The following KLF8 variants were observed in gnomAD, a reference collection of about 807,000 sequenced individuals.
KLF8 encodes Krueppel-like factor 8.
A neutral mutation model predicts 18.2 loss-of-function variants in KLF8; 10 were observed. The observed-to-expected ratio is 0.55, with a 90% CI of 0.34 to 0.93. The LOEUF (loss-of-function observed/expected upper bound fraction) is 0.93, where lower values mean the gene tolerates loss of function less well. Ranked by LOEUF, KLF8 falls within the 40% of genes least tolerant of loss-of-function variation. The pLI is 0.02. For synonymous variants in KLF8, 109 were observed against 97.3 expected (o/e 1.12, Z -0.71); for missense variants, 264 against 277.9 (o/e 0.95, Z 0.36).
At chrX:55,927,973 A>C in the KLF8 span, among the ~76,000 whole-genome samples, 1 of 112,151 alleles carries the variant, frequency 8.9e-6, no homozygotes, top group Non-Finnish European at 1.9e-5. Context: ...AATACTGCTA[A>C]CTGAACTACA....
chrX:56,086,257 A>G, the KLF8 span, among the ~76,000 whole-genome samples: 1 of 111,778 alleles, frequency 8.9e-6, no homozygotes, highest in African/African-American at 3.3e-5. Flanking sequence ...CTTAATTCAT[A>G]CTTCAGAATT....
At chrX:56,140,560 A>G in the KLF8 span, among the ~76,000 whole-genome samples, 1 of 110,943 alleles carries the variant, frequency 9.0e-6, no homozygotes, top group South Asian at 3.8e-4. Flanking sequence ...ACATTGGAGT[A>G]CACATGTACA....
the KLF8 span, among the ~76,000 whole-genome samples, chrX:55,952,187 G>A: frequency 8.9e-6 from 1 of 112,278 alleles, no homozygotes; most frequent in Non-Finnish European, 1.9e-5. Context: ...ACAGCAAAGT[G>A]AGGAGGTGAC....
chrX:56,154,435 C>A, the KLF8 span, among the ~76,000 whole-genome samples: 9 of 111,695 alleles, frequency 8.1e-5, no homozygotes, highest in Non-Finnish European at 1.3e-4. Context: ...CTTCCTTACA[C>A]CTTATACAAA....
At chrX:56,187,443 C>T in the KLF8 span, among the ~76,000 whole-genome samples, 19 of 111,544 alleles carry the variant, frequency 1.7e-4, no homozygotes, top group African/African-American at 5.9e-4. Context: ...CTACCAGAGG[C>T]ACAAGGAGGA....
chrX:56,114,833 G>C, the KLF8 span, among the ~76,000 whole-genome samples: 20 of 112,500 alleles, frequency 1.8e-4, no homozygotes, highest in Non-Finnish European at 1.9e-4. Context: ...ATCAAAGGTA[G>C]CATAATATAA....
the KLF8 span, among the ~76,000 whole-genome samples, chrX:56,125,514 C>T: frequency 1.8e-5 from 2 of 112,427 alleles, no homozygotes; most frequent in East Asian, 5.6e-4. Context: ...GCCTTCAAGT[C>T]ACATTTGCAT....
chrX:55,945,908 C>T, the KLF8 span, among the ~76,000 whole-genome samples: 1 of 110,958 alleles, frequency 9.0e-6, no homozygotes, highest in South Asian at 3.8e-4. Context: ...GAATAAAATA[C>T]CTAGGAATCC....
At chrX:56,131,783 G>A in the KLF8 span, among the ~76,000 whole-genome samples, 1 of 111,588 alleles carries the variant, frequency 9.0e-6, no homozygotes, top group African/African-American at 3.3e-5. Flanking sequence ...AGGTAAAAGG[G>A]TGGAAGAAGA....
rs753625632 is a variant in KLF8 at position 56,289,023 on chromosome X, G to A, written c.*4529G>A. Among the ~76,000 whole-genome samples, 1 of 112,161 alleles carries A rather than the reference G, an allele frequency of 8.9e-6. No homozygotes were observed. The highest frequency in any genetic ancestry group is 2.8e-4 in the East Asian group (1 of 3,581). On this transcript the variant is annotated 3_prime_UTR_variant, in exon 6 of 6. Transcript: ENST00000468660. ...GGTAAGTTATATGCCACACCCTTCA[G>A]AGCATGTATCTTACATAAATTATTT...
At chrX:56,143,481 T>C in the KLF8 span, among the ~76,000 whole-genome samples, 2 of 112,480 alleles carry the variant, frequency 1.8e-5, no homozygotes, top group East Asian at 5.6e-4. Flanking sequence ...TATTCACTAA[T>C]ATGTCTGCCA....
chrX:56,269,430 G>A lies in KLF8; in HGVS notation c.699G>A (p.Glu233=). 2 of 1,209,479 alleles carry A rather than the reference G, an allele frequency of 1.7e-6. No individual in the cohort carries two copies. Among genetic ancestry groups the A allele is most frequent in the Non-Finnish European group, 2.2e-6 (2 of 894,569 alleles). Residue 233 remains glutamate (E), a synonymous_variant, in exon 4 of 6, where the codon GAG becomes GAA. Transcript: ENST00000468660. The stretch of plus-strand genomic sequence containing the variant: ...CACTGGAAATTCCAAGTGACAGTGA[G>A]GAGAGTACAATTGAGAGTGGATCCT... ...MSPLEIPSDS[E]ESTIESGSSA...
intron 2 of KLF8, among the ~76,000 whole-genome samples, chrX:56,258,255 G>A (rs1295340995): frequency 4.5e-5 from 5 of 112,121 alleles, no homozygotes; most frequent in South Asian, 7.5e-4. Context: ...GTCATTGAGC[G>A]TGCATAGCTA....
At chrX:56,151,624 G>A in the KLF8 span, among the ~76,000 whole-genome samples, 91 of 110,880 alleles carry the variant, frequency 8.2e-4, 1 homozygote, top group East Asian at 0.023. Flanking sequence ...CACAATGGGG[G>A]AAGAGTGCTT....
chrX:55,921,178 GA>G, the KLF8 span, among the ~76,000 whole-genome samples: 1 of 112,138 alleles, frequency 8.9e-6, no homozygotes, highest in African/African-American at 3.2e-5. Flanking sequence ...AAATTTATAA[GA>G]AAAAATCCCA....
intron 5 of KLF8, among the ~76,000 whole-genome samples, chrX:56,278,761 C>T (rs1185970080): frequency 8.9e-6 from 1 of 111,791 alleles, no homozygotes. Flanking sequence ...GCCTATACTG[C>T]CTTTCAAGTT....
At chrX:56,234,198 AC>A (rs2066443265) in intron 1 of KLF8, among the ~76,000 whole-genome samples, 1 of 112,009 alleles carries the variant, frequency 8.9e-6, no homozygotes, top group Non-Finnish European at 1.9e-5. Context: ...AGCACCTGTC[AC>A]CCAGTGTGGT....
At position 56,284,356 on chromosome X, in the gene KLF8, A is replaced by G; in HGVS notation, c.942A>G (p.Lys314=). ...GCACCTGGGATGGCTGCTCCTGGAA[A>G]TTTGCTCGCTCAGATGAGCTCACTC... ...YKCTWDGCSW[K]FARSDELTRH... Residue 314 remains lysine, a synonymous_variant, in exon 6 of 6, where the codon AAA becomes AAG. Coordinates refer to ENST00000468660, the MANE Select transcript of KLF8 (RefSeq NM_007250.5). 8.4e-7 allele frequency: 1 copy of G among 1,188,167 alleles called. No individual in the cohort carries two copies. The highest frequency in any genetic ancestry group is 1.1e-6 in the Non-Finnish European group (1 of 884,140).
chrX:55,927,656 C>G, the KLF8 span, among the ~76,000 whole-genome samples: 1 of 112,429 alleles, frequency 8.9e-6, no homozygotes, highest in East Asian at 2.8e-4. Context: ...TATTTCCTTT[C>G]TAAAAGATTG....
Sources: gnomAD v4.1 joint callset for allele counts (sites outside exome capture counted in the v4.1 genomes callset) on GRCh38, gnomAD v4.1.1 for gene constraint, MANE v1.5 for transcripts, NCBI Gene and HGNC (gene_info 2026-07-23, HGNC 2026-07-21) for gene names.